The following HIVEP1 variants were observed in gnomAD, a reference collection of about 807,000 sequenced individuals.
HIVEP1 encodes zinc finger protein 40.
A neutral mutation model predicts 180.0 loss-of-function variants in HIVEP1; 36 were observed. That is an observed-to-expected ratio of 0.20 (90% CI 0.15 to 0.26). The LOEUF is 0.26. Ranked by LOEUF, HIVEP1 falls within the 10% of genes least tolerant of loss-of-function variation. HIVEP1 has a pLI of 1.00. For synonymous variants in HIVEP1, 1,239 were observed against 1,239.0 expected, an observed-to-expected ratio of 1.00 and a Z score of 0.00; for missense variants, 3,143 against 3,268.7, an observed-to-expected ratio of 0.96 and a Z score of 0.94.
intron 1 of HIVEP1, 98 bp downstream of exon 1, chr6:12,012,664 G>C (rs1356162412): frequency 1.4e-5 from 2 of 147,726 alleles, no homozygotes; most frequent in African/African-American, 4.9e-5. Flanking sequence ...CGGGCGGGGG[G>C]CGTGCGGGCG....
At chr6:12,092,969 G>T (rs1194980681) in intron 3 of HIVEP1, among the ~76,000 whole-genome samples, 1 of 152,150 alleles carries the variant, frequency 6.6e-6, no homozygotes, top group African/African-American at 2.4e-5. Flanking sequence ...TTCAGGTAGG[G>T]TGTGATGAAG....
chr6:12,065,362 G>C (rs1771503794), intron 2 of HIVEP1, among the ~76,000 whole-genome samples: 1 of 152,210 alleles, frequency 6.6e-6, no homozygotes, highest in East Asian at 1.9e-4. Flanking sequence ...GAGGTGGGGT[G>C]CTGTTGGTGC....
chr6:12,132,858 G>A (rs546408362), intron 6 of HIVEP1, among the ~76,000 whole-genome samples: 11 of 151,900 alleles, frequency 7.2e-5, no homozygotes, highest in African/African-American at 1.7e-4. Flanking sequence ...TTTTTTTTAC[G>A]GTCAGCTTCC....
At chr6:12,140,521 T>C (rs1758960918) in intron 7 of HIVEP1, among the ~76,000 whole-genome samples, 3 of 152,214 alleles carry the variant, frequency 2.0e-5, no homozygotes, top group Admixed American at 1.3e-4. Context: ...AGAATGACTT[T>C]GATGAGCTGA....
chr6:12,142,349 A>G (rs902972055), intron 7 of HIVEP1, among the ~76,000 whole-genome samples: 3 of 152,222 alleles, frequency 2.0e-5, no homozygotes, highest in African/African-American at 7.2e-5. Flanking sequence ...GAACCAAGAC[A>G]CAACATATCA....
In HIVEP1 at chr6:12,125,049, A is replaced by G. The variant is rs780682990; in HGVS notation, c.5254A>G (p.Asn1752Asp). 1 of 1,614,228 alleles carries G rather than the reference A, an allele frequency of 6.2e-7. No homozygotes were observed. The highest frequency in any genetic ancestry group is 8.5e-7 in the Non-Finnish European group (1 of 1,180,044). ...GAGTAAAAGGATGCTTTCCCCAGCA[A>G]ATAGTTTAGACATTGCCATGGAAAA... ...ASSKRMLSPA[N>D]SLDIAMEKHQ... is the part of the protein sequence containing the mutation. Residue 1752 changes from asparagine to aspartate, a missense_variant, in exon 4 of 9, where the codon AAT becomes GAT. By Grantham distance (23) the Asn-to-Asp change is conservative (BLOSUM62 1). Coordinates refer to ENST00000379388, the MANE Select transcript of HIVEP1 (RefSeq NM_002114.4).
At chr6:12,153,571 C>CAAAAAAAAAAAAAAAAAAAAAAAAAAGA (rs3070558) in intron 7 of HIVEP1, among the ~76,000 whole-genome samples, 1 of 94,652 alleles carries the variant, frequency 1.1e-5, no homozygotes, top group Non-Finnish European at 2.1e-5. Flanking sequence ...GTAAGAAATG[C>CAAAAAAAAAAAAAAAAAAAAAAAAAAGA]AAAAAAAAAA....
chr6:12,115,228 C>T (rs1426606516), intron 3 of HIVEP1, among the ~76,000 whole-genome samples: 4 of 152,138 alleles, frequency 2.6e-5, no homozygotes, highest in Middle Eastern at 3.4e-3. Context: ...ATTTCAAACT[C>T]GTTGGTGCTC....
At chr6:12,011,270 T>TACC (rs1767268015), upstream of HIVEP1, among the ~76,000 whole-genome samples, 2 of 71,636 alleles carry the variant, frequency 2.8e-5, no homozygotes, top group Non-Finnish European at 5.1e-5. Context: ...CCCCTTGGGG[T>TACC]CCCCCCCCCC....
the HIVEP1 span, among the ~76,000 whole-genome samples, chr6:12,198,315 G>T: frequency 6.6e-6 from 1 of 152,170 alleles, no homozygotes; most frequent in East Asian, 1.9e-4. Flanking sequence ...ATAGAAAAAA[G>T]TTCATTGTTG....
the HIVEP1 span, among the ~76,000 whole-genome samples, chr6:12,200,074 A>C: frequency 1.3e-5 from 2 of 152,288 alleles, no homozygotes; most frequent in Admixed American, 6.5e-5. Flanking sequence ...ATTGAGTCAA[A>C]CTGAGATAGA....
Position 12,164,422 on chromosome 6 carries a change from C to T in HIVEP1, c.8118C>T (p.Ser2706=), listed in dbSNP as rs796498345. 1 of 1,613,034 alleles carries T rather than the reference C, an allele frequency of 6.2e-7. No individual in the cohort carries two copies. The highest frequency in any genetic ancestry group is 8.5e-7 in the Non-Finnish European group (1 of 1,179,682). Residue 2706 remains serine, a synonymous_variant, in exon 9 of 9, where the codon AGC becomes AGT. Coordinates refer to ENST00000379388, the MANE Select transcript of HIVEP1 (RefSeq NM_002114.4). ...CCACTGTGCACTTCAGCGACGTGAGCAGCGATGATGACGAGGACAGGCTTG... is the reference window on the plus strand; with the variant it reads ...CCACTGTGCACTTCAGCGACGTGAGTAGCGATGATGACGAGGACAGGCTTG... ...RQPTVHFSDV[S]SDDDEDRLVI...
the HIVEP1 span, among the ~76,000 whole-genome samples, chr6:12,200,679 T>C: frequency 2.6e-5 from 4 of 152,234 alleles, no homozygotes; most frequent in Non-Finnish European, 4.4e-5. Flanking sequence ...GACCCAGAGA[T>C]ATGCTTCTTA....
chr6:12,096,151 C>T (rs1227614663), intron 3 of HIVEP1, among the ~76,000 whole-genome samples: 18 of 152,000 alleles, frequency 1.2e-4, no homozygotes. Context: ...ACATTATATA[C>T]TTCAGCCCCA....
chr6:12,039,879 C>T (rs1769556650), intron 2 of HIVEP1, among the ~76,000 whole-genome samples: 1 of 152,308 alleles, frequency 6.6e-6, no homozygotes, highest in African/African-American at 2.4e-5. Context: ...ACAGGGAGCA[C>T]TGGACCCCTG....
Position 12,124,446 on chromosome 6 carries a change from A to G in HIVEP1, c.4651A>G (p.Lys1551Glu), listed in dbSNP as rs35835317. The change falls in exon 4 of 9, where the codon AAA becomes GAA. Residue 1551 changes from lysine (K) to glutamate (E), a missense_variant. Lys to Glu is a moderately conservative substitution (Grantham distance 56). Transcript: ENST00000379388. Reference sequence around the variant, plus strand: ...AAATTCTGTTTTATCTGGGTCTTCTAAAAGTGAGGATTGCTTTGCTCCCAA... The same window carrying G: ...AAATTCTGTTTTATCTGGGTCTTCTGAAAGTGAGGATTGCTTTGCTCCCAA... ...DKNSVLSGSSKSEDCFAPKYQ... is the reference protein window; with the variant it reads ...DKNSVLSGSSESEDCFAPKYQ... 3,349 of 1,614,142 alleles carry G rather than the reference A, an allele frequency of 2.1e-3. 56 individuals carry two copies. The African/African-American group carries it at 0.036, about 17-fold the overall frequency.
chr6:12,099,754 A>G (rs531254177), intron 3 of HIVEP1, among the ~76,000 whole-genome samples: 6 of 152,108 alleles, frequency 3.9e-5, no homozygotes, highest in African/African-American at 1.5e-4. Flanking sequence ...GATGGATGGT[A>G]GAGGTGTCAG....
the HIVEP1 span, among the ~76,000 whole-genome samples, chr6:12,185,149 C>G: frequency 2.6e-5 from 4 of 152,204 alleles, no homozygotes; most frequent in African/African-American, 9.6e-5. Context: ...CCACAAAGGG[C>G]TGTTGTCCAT....
chr6:12,026,799 A>G (rs1162415251), intron 2 of HIVEP1, among the ~76,000 whole-genome samples: 1 of 152,210 alleles, frequency 6.6e-6, no homozygotes, highest in African/African-American at 2.4e-5. Flanking sequence ...TGTTTTTCCT[A>G]TTTCAGAAGA....
Sources: allele counts gnomAD v4.1 joint callset (sites outside exome capture counted in the v4.1 genomes callset), GRCh38; gene constraint gnomAD v4.1.1; transcripts MANE v1.5; gene names NCBI Gene and HGNC (gene_info 2026-07-23, HGNC 2026-07-21).